The following NEDD9 variants were observed in gnomAD, a reference collection of about 807,000 sequenced individuals.
NEDD9 encodes enhancer of filamentation 1.
In NEDD9, 26 loss-of-function variants were observed where a neutral mutation model predicts 76.6. The observed-to-expected ratio is 0.34, with a 90% CI of 0.25 to 0.47. The LOEUF is 0.47. Among genes scored for constraint, NEDD9 ranks in the 20% least tolerant of loss-of-function variants. The pLI is 1.00. For missense variants in NEDD9, 937 were observed against 1,058.5 expected, an observed-to-expected ratio of 0.89 and a Z score of 1.59; for synonymous variants, 392 against 414.2, an observed-to-expected ratio of 0.95 and a Z score of 0.65.
At chr6:11,307,759 G>A (rs1761231088) in intron 2 of NEDD9, among the ~76,000 whole-genome samples, 1 of 152,052 alleles carries the variant, frequency 6.6e-6, no homozygotes, top group Non-Finnish European at 1.5e-5. Flanking sequence ...TGCCACCCAG[G>A]TCAAGACATA....
At chr6:11,235,615 G>A (rs1198260406), upstream of NEDD9, among the ~76,000 whole-genome samples, 1 of 152,222 alleles carries the variant, frequency 6.6e-6, no homozygotes, top group Non-Finnish European at 1.5e-5. The surrounding 1 kb of genome is among the most constrained non-coding windows in gnomAD (Gnocchi z 4.1). Flanking sequence ...GACAGGAGGT[G>A]TATTATTTTA....
intron 1 of NEDD9, among the ~76,000 whole-genome samples, chr6:11,215,029 C>T (rs1354441751): frequency 2.0e-5 from 3 of 152,180 alleles, no homozygotes; most frequent in African/African-American, 7.2e-5. Flanking sequence ...CATTTCTTTG[C>T]AGCTGACTTG....
intron 3 of NEDD9, among the ~76,000 whole-genome samples, chr6:11,275,715 G>A (rs1004874645): frequency 1.3e-5 from 2 of 152,204 alleles, no homozygotes; most frequent in African/African-American, 4.8e-5. Context: ...AGCAAACAGA[G>A]CAGGTGTGAC....
chr6:11,376,936 C>T (rs983970210), intron 1 of NEDD9, among the ~76,000 whole-genome samples: 2 of 152,232 alleles, frequency 1.3e-5, no homozygotes, highest in African/African-American at 4.8e-5. Context: ...CAGACTCTGG[C>T]TTCAGCCTCA....
intron 2 of NEDD9, chr6:11,328,559 T>C (rs1302948866): frequency 1.3e-5 from 2 of 152,214 alleles, no homozygotes; most frequent in African/African-American, 4.8e-5. Context: ...ATGGCTTCTC[T>C]TTTCTCTCAA....
At chr6:11,359,870 T>C (rs1243036158) in intron 1 of NEDD9, among the ~76,000 whole-genome samples, 5 of 152,212 alleles carry the variant, frequency 3.3e-5, no homozygotes, top group Admixed American at 2.0e-4. Context: ...TTGAGACCTG[T>C]TTCATGCCAT....
chr6:11,298,562 G>C (rs1760959338), intron 3 of NEDD9, among the ~76,000 whole-genome samples: 1 of 152,186 alleles, frequency 6.6e-6, no homozygotes. Flanking sequence ...TTGCTTCAGG[G>C]AATGTTTTAT....
rs1757941839 is a variant in NEDD9 at position 11,185,097 on chromosome 6, C to A, written c.*65G>T. 1.3e-6 allele frequency: 2 copies of A among 1,494,936 alleles called. No individual in the cohort carries two copies. The highest frequency in any genetic ancestry group is 1.8e-6 in the Non-Finnish European group (2 of 1,113,900). 92.6% of individuals were successfully genotyped at this position (1,494,936 alleles called of 1,614,324 possible). On this transcript the variant is annotated 3_prime_UTR_variant, in exon 7 of 7. Transcript: ENST00000379446. ...CAAAAATAGATAACATTTACAAAAA[C>A]CAGACAGTATTTCCAGTTTTCCTTA...
intron 1 of NEDD9, among the ~76,000 whole-genome samples, chr6:11,356,383 C>T (rs1017895929): frequency 9.9e-5 from 15 of 152,194 alleles, no homozygotes; most frequent in African/African-American, 3.6e-4. Flanking sequence ...AAAATCTTTG[C>T]AGGTGACATA....
chr6:11,339,526 G>C (rs1446433235), intron 1 of NEDD9, among the ~76,000 whole-genome samples: 1 of 152,148 alleles, frequency 6.6e-6, no homozygotes, highest in Non-Finnish European at 1.5e-5. Flanking sequence ...GGCCAAAGTG[G>C]AGCAGCTTAT....
intron 2 of NEDD9, among the ~76,000 whole-genome samples, chr6:11,208,177 CAAAA>C (rs201241404): frequency 6.2e-5 from 4 of 64,024 alleles, no homozygotes; most frequent in African/African-American, 5.1e-5. Context: ...GACCCTGACT[CAAAA>C]AAAAAAAAAA....
intron 2 of NEDD9, among the ~76,000 whole-genome samples, chr6:11,326,797 C>A (rs1761937842): frequency 6.6e-6 from 1 of 152,244 alleles, no homozygotes; most frequent in Non-Finnish European, 1.5e-5. Context: ...CCCCTCCACT[C>A]AGGAACAAAA....
At position 11,213,493 on chromosome 6, in the gene NEDD9, G is replaced by C. The variant is rs1758848356; in HGVS notation, c.247C>G (p.Gln83Glu). ...SHEQPASGLM[Q>E]QTFGQQKLYQ... ...AGCTTCTGTTGGCCAAAGGTCTGCTGCATCAGTCCAGAGGCAGGCTGCTCG... is the reference window on the plus strand; with the variant it reads ...AGCTTCTGTTGGCCAAAGGTCTGCTCCATCAGTCCAGAGGCAGGCTGCTCG... Residue 83 changes from glutamine (Q) to glutamate (E), a missense_variant, in exon 2 of 7, where the codon CAG becomes GAG. By Grantham distance (29) the Gln-to-Glu change is conservative. Coordinates refer to ENST00000379446, the MANE Select transcript of NEDD9 (RefSeq NM_006403.4). This position sits in a 1 kb window ranked among gnomAD's most constrained non-coding sequence, Gnocchi z 5.4. 1.2e-6 allele frequency: 2 copies of C among 1,614,188 alleles called. No individual in the cohort carries two copies. Among genetic ancestry groups the C allele is most frequent in the South Asian group, 1.1e-5 (1 of 91,082 alleles).
At position 11,206,446 on chromosome 6, in the gene NEDD9, C is replaced by T. The variant is rs528812768; in HGVS notation, c.459+6835G>A. 3.9e-5 allele frequency among the ~76,000 whole-genome samples: 6 copies of T among 152,210 alleles called. No homozygotes were observed. The East Asian group carries it at 5.8e-4, about 15-fold the overall frequency. On this transcript the variant is annotated intron_variant, in intron 2 of 6. Coordinates refer to ENST00000379446, the MANE Select transcript of NEDD9 (RefSeq NM_006403.4). ...AAAATAAAAAAAAAGATGTGTTCAA[C>T]GAATATTGTTTATCATGAAATTAAA...
intron 2 of NEDD9, among the ~76,000 whole-genome samples, chr6:11,194,009 G>A (rs12205037): frequency 0.16 from 23,912 of 151,808 alleles, 2,135 homozygotes; most frequent in Non-Finnish European, 0.2. Flanking sequence ...ACAGGTGCAC[G>A]CCACCATGCC....
chr6:11,208,710 C>T (rs1231680457), intron 2 of NEDD9, among the ~76,000 whole-genome samples: 1 of 152,156 alleles, frequency 6.6e-6, no homozygotes, highest in Non-Finnish European at 1.5e-5. Flanking sequence ...CAAATAGTTC[C>T]AGCAGTTAGA....
chr6:11,217,986 C>G (rs1312757194), intron 1 of NEDD9, among the ~76,000 whole-genome samples: 3 of 152,232 alleles, frequency 2.0e-5, no homozygotes, highest in Non-Finnish European at 4.4e-5. Context: ...AAATCTTTTT[C>G]CCATCCCTAA....
At position 11,252,935 on chromosome 6, in the gene NEDD9, G is replaced by A. The variant is rs77898730; in HGVS notation, c.13-39208C>T. On this transcript the variant is annotated intron_variant, in intron 3 of 3. Transcript: ENST00000397378. The surrounding 1 kb of genome is among the most constrained non-coding windows in gnomAD (Gnocchi z 4.3). Reference sequence around the variant, plus strand: ...TTCAAACAAGAAATCATTCTTTTGGGAAAATTGGGCTTGTGCTAGATGTTT... The same window carrying A: ...TTCAAACAAGAAATCATTCTTTTGGAAAAATTGGGCTTGTGCTAGATGTTT... Among the ~76,000 whole-genome samples, 4,119 of 152,200 alleles carry A rather than the reference G, an allele frequency of 0.027. 205 individuals carry two copies. The highest frequency in any genetic ancestry group is 0.094 in the African/African-American group (3,898 of 41,512).
intron 1 of NEDD9, chr6:11,352,558 A>G (rs1762489184): frequency 1.3e-5 from 2 of 152,228 alleles, no homozygotes; most frequent in African/African-American, 4.8e-5. Flanking sequence ...CACCAGCAAC[A>G]TGGCATCATG....
Sources: gnomAD v4.1 joint callset for allele counts (sites outside exome capture counted in the v4.1 genomes callset) on GRCh38, gnomAD v4.1.1 for gene constraint, Gnocchi (gnomAD v3.1) non-coding constraint, MANE v1.5 for transcripts, NCBI Gene and HGNC (gene_info 2026-07-23, HGNC 2026-07-21) for gene names.